The following LHFPL6 variants were observed in gnomAD, a reference collection of about 807,000 sequenced individuals.
LHFPL6 encodes the protein LHFPL tetraspan subfamily member 6 protein.
Under a neutral mutation model 20.6 loss-of-function variants are expected in LHFPL6, and 9 were observed. The observed-to-expected ratio is 0.44, with a 90% confidence interval of 0.26 to 0.76. LHFPL6 has a LOEUF of 0.76. Ranked by LOEUF, LHFPL6 falls within the 30% of genes least tolerant of loss-of-function variation. LHFPL6 has a pLI of 0.20. For synonymous variants in LHFPL6, 105 were observed against 98.7 expected, an observed-to-expected ratio of 1.06 and a Z score of -0.38; for missense variants, 218 against 253.5, an observed-to-expected ratio of 0.86 and a Z score of 0.95.
chr13:39,345,124 T>C (rs2138331531), intron 3 of LHFPL6, among the ~76,000 whole-genome samples: 1 of 152,302 alleles, frequency 6.6e-6, no homozygotes, highest in African/African-American at 2.4e-5. Context: ...GCAACCATGT[T>C]CCTCCTTTTG....
chr13:39,454,628 C>CAAA (rs57933417), intron 2 of LHFPL6, among the ~76,000 whole-genome samples: 4 of 68,514 alleles, frequency 5.8e-5, no homozygotes, highest in African/African-American at 1.8e-4. Context: ...GACTCCGTCT[C>CAAA]AAAAAAAAAA....
At chr13:39,466,530 G>A (rs997251541) in intron 2 of LHFPL6, among the ~76,000 whole-genome samples, 14 of 152,182 alleles carry the variant, frequency 9.2e-5, no homozygotes, top group African/African-American at 2.2e-4. Flanking sequence ...CTTTACAAAG[G>A]TCACAGACTA....
At chr13:39,478,394 T>C (rs1251991843) in intron 2 of LHFPL6, among the ~76,000 whole-genome samples, 1 of 152,192 alleles carries the variant, frequency 6.6e-6, no homozygotes. Context: ...GAAAGGAAGC[T>C]AGACATGAGC....
chr13:39,460,049 C>T (rs975454240), intron 2 of LHFPL6, among the ~76,000 whole-genome samples: 7 of 121,210 alleles, frequency 5.8e-5, no homozygotes, highest in Admixed American at 5.7e-4. Flanking sequence ...CCCTTCTTAA[C>T]TTACCTTACA....
intron 2 of LHFPL6, among the ~76,000 whole-genome samples, chr13:39,521,784 G>A (rs1433362593): frequency 6.6e-6 from 1 of 152,144 alleles, no homozygotes; most frequent in Non-Finnish European, 1.5e-5. Context: ...TCCTTGCTTT[G>A]CAGATTACTT....
In LHFPL6 at chr13:39,563,091, AACACACACACACACACAC is replaced by A. The variant is rs60324329; in HGVS notation, c.385+37723_385+37740del. Reference sequence around the variant, plus strand: ...ATAAAGGTCATGGGGCAATACTAGAAACACACACACACACACACACACACACACACACACACACACACA... The same window carrying A: ...ATAAAGGTCATGGGGCAATACTAGAAACACACACACACACACACACACACA... On this transcript the variant is annotated intron_variant, in intron 2 of 3. Coordinates refer to ENST00000379589, the MANE Select transcript of LHFPL6 (RefSeq NM_005780.3). Among the ~76,000 whole-genome samples, 175 of 135,872 alleles carry A rather than the reference AACACACACACACACACAC, an allele frequency of 1.3e-3. 3 individuals are homozygous for A. The East Asian group carries it at 0.029, about 23-fold the overall frequency. The allele number at this position is 135,872 out of a possible 152,430, so 89.1% of individuals were successfully genotyped here.
chr13:39,563,530 G>C (rs1871614159), intron 2 of LHFPL6, among the ~76,000 whole-genome samples: 1 of 152,178 alleles, frequency 6.6e-6, no homozygotes, highest in African/African-American at 2.4e-5. Flanking sequence ...TATTCTTAGA[G>C]GGTAAAAGCT....
Position 39,501,093 on chromosome 13 carries a change from G to T in LHFPL6, c.385+99739C>A, listed in dbSNP as rs1869278809. 7.2e-5 allele frequency among the ~76,000 whole-genome samples: 11 copies of T among 152,292 alleles called. 1 individual carries two copies. In the South Asian group the frequency reaches 2.3e-3, roughly 32 times the overall value. On this transcript the variant is annotated intron_variant, in intron 2 of 3. Coordinates refer to ENST00000379589, the MANE Select transcript of LHFPL6 (RefSeq NM_005780.3). ...TCCTCTATCTTAGTTGTTGAGAAAA[G>T]TGTGGGCACCTTTGAGGTCTAGATT...
chr13:39,427,992 C>G (rs1272553582), intron 2 of LHFPL6, among the ~76,000 whole-genome samples: 2 of 152,228 alleles, frequency 1.3e-5, no homozygotes. Flanking sequence ...CACCTTGAGC[C>G]ATGATTGTAA....
chr13:39,468,352 A>T (rs1872856620), intron 2 of LHFPL6, among the ~76,000 whole-genome samples: 1 of 152,158 alleles, frequency 6.6e-6, no homozygotes, highest in Non-Finnish European at 1.5e-5. Context: ...TGGAGTAATC[A>T]TGCATTTTTC....
At chr13:39,537,404 C>T (rs1169041598) in intron 2 of LHFPL6, among the ~76,000 whole-genome samples, 3 of 152,178 alleles carry the variant, frequency 2.0e-5, no homozygotes, top group Admixed American at 2.0e-4. Context: ...GGTCACAGGT[C>T]CCAGCATGTG....
At chr13:39,562,623 TAC>T (rs377174128) in intron 2 of LHFPL6, among the ~76,000 whole-genome samples, 5 of 100,752 alleles carry the variant, frequency 5.0e-5, no homozygotes, top group Admixed American at 4.3e-4. Context: ...TACACATATA[TAC>T]ACACATATAT....
intron 2 of LHFPL6, among the ~76,000 whole-genome samples, chr13:39,441,188 C>T (rs2138413895): frequency 9.0e-6 from 1 of 111,482 alleles, no homozygotes; most frequent in African/African-American, 3.4e-5. Context: ...CTCTCTGTTG[C>T]TCAGGTTGAT....
intron 2 of LHFPL6, among the ~76,000 whole-genome samples, chr13:39,599,049 T>C (rs1872851624): frequency 6.6e-6 from 1 of 152,200 alleles, no homozygotes; most frequent in Non-Finnish European, 1.5e-5. Flanking sequence ...AATCTATACA[T>C]AGCTTAGGGA....
chr13:39,413,472 G>A (rs1393768423), intron 2 of LHFPL6, among the ~76,000 whole-genome samples: 1 of 146,752 alleles, frequency 6.8e-6, no homozygotes, highest in East Asian at 2.1e-4. Context: ...GGGTAGGGGG[G>A]GTGGGTCTCA....
chr13:39,586,133 G>A (rs1872440034), intron 2 of LHFPL6, among the ~76,000 whole-genome samples: 1 of 150,526 alleles, frequency 6.6e-6, no homozygotes, highest in African/African-American at 2.5e-5. Flanking sequence ...TTATGAAAAT[G>A]AGATGTATAA....
At chr13:39,495,749 G>T (rs1258182981) in intron 2 of LHFPL6, among the ~76,000 whole-genome samples, 1 of 151,454 alleles carries the variant, frequency 6.6e-6, no homozygotes, top group Non-Finnish European at 1.5e-5. Context: ...TGAAGCTGGG[G>T]ATATGAGAAG....
chr13:39,354,920 A>G (rs1165129925), intron 3 of LHFPL6, among the ~76,000 whole-genome samples: 2 of 151,864 alleles, frequency 1.3e-5, no homozygotes, highest in Non-Finnish European at 2.9e-5. Flanking sequence ...AAGAGGCCAC[A>G]CCTACGACTC....
At chr13:39,497,156 C>T (rs1869127752) in intron 2 of LHFPL6, among the ~76,000 whole-genome samples, 1 of 152,138 alleles carries the variant, frequency 6.6e-6, no homozygotes, top group African/African-American at 2.4e-5. Context: ...AAGCCAACCC[C>T]CACTTATTAC....
Sources: gnomAD v4.1 joint callset for allele counts (sites outside exome capture counted in the v4.1 genomes callset) on GRCh38, gnomAD v4.1.1 for gene constraint, MANE v1.5 for transcripts, NCBI Gene and HGNC (gene_info 2026-07-23, HGNC 2026-07-21) for gene names.